The following SNRK variants were observed in gnomAD, a reference collection of about 807,000 sequenced individuals.
SNRK encodes the protein SNF related kinase, also known as SNF-related serine/threonine-protein kinase.
Under a neutral mutation model 48.2 loss-of-function variants are expected in SNRK, and 3 were observed. That is an observed-to-expected ratio of 0.06 (90% CI 0.03 to 0.16). The LOEUF (loss-of-function observed/expected upper bound fraction) is 0.16, where lower values mean the gene tolerates loss of function less well. SNRK is among the 10% of genes least tolerant of loss of function. The pLI, the probability that SNRK is intolerant of heterozygous loss-of-function variation, is 1.00. For missense variants in SNRK, 627 were observed against 976.0 expected, an observed-to-expected ratio of 0.64 and a Z score of 4.76; for synonymous variants, 376 against 366.1, an observed-to-expected ratio of 1.03 and a Z score of -0.31.
chr3:43,295,893 C>A (rs759497546), intron 1 of SNRK, among the ~76,000 whole-genome samples: 1 of 152,154 alleles, frequency 6.6e-6, no homozygotes, highest in Non-Finnish European at 1.5e-5. Flanking sequence ...CCCATGCCAC[C>A]ACGCCCAGCT....
At chr3:43,341,765 G>A (rs916147994) in intron 5 of SNRK, among the ~76,000 whole-genome samples, 3 of 152,174 alleles carry the variant, frequency 2.0e-5, no homozygotes, top group African/African-American at 4.8e-5. Context: ...GTGTGTCTTC[G>A]TGCCACACAC....
intron 3 of SNRK, among the ~76,000 whole-genome samples, chr3:43,326,353 T>G (rs1009590714): frequency 3.9e-5 from 6 of 152,026 alleles, no homozygotes; most frequent in Non-Finnish European, 1.5e-5. Context: ...AGCTGTCTTT[T>G]GAGGGGGCCC....
At chr3:43,339,427 A>G (rs2125644645) in intron 4 of SNRK, among the ~76,000 whole-genome samples, 1 of 152,302 alleles carries the variant, frequency 6.6e-6, no homozygotes, top group Middle Eastern at 3.4e-3. Context: ...TTTGTCATTC[A>G]TTTCGTAAGG....
At chr3:43,290,285 G>A (rs1225610485) in intron 1 of SNRK, among the ~76,000 whole-genome samples, 1 of 152,188 alleles carries the variant, frequency 6.6e-6, no homozygotes, top group African/African-American at 2.4e-5. Context: ...GATTTTATCA[G>A]CTTGTTATGG....
intron 4 of SNRK, among the ~76,000 whole-genome samples, chr3:43,336,593 A>G (rs1233586507): frequency 6.6e-6 from 1 of 152,048 alleles, no homozygotes; most frequent in Non-Finnish European, 1.5e-5. Flanking sequence ...CTGCCTCCCG[A>G]AGTGCTGGGA....
intron 1 of SNRK, among the ~76,000 whole-genome samples, chr3:43,297,388 G>A (rs182471446): frequency 6.6e-6 from 1 of 152,000 alleles, no homozygotes; most frequent in African/African-American, 2.4e-5. Context: ...TTGTTTTTTG[G>A]AGAGAAGTAT....
At chr3:43,306,272 A>T (rs1342739252) in intron 3 of SNRK, among the ~76,000 whole-genome samples, 1 of 151,856 alleles carries the variant, frequency 6.6e-6, no homozygotes, top group African/African-American at 2.4e-5. Context: ...AATCTACATT[A>T]GTTTATCATG....
chr3:43,333,638 T>C (rs975379385), intron 4 of SNRK, among the ~76,000 whole-genome samples: 3 of 152,102 alleles, frequency 2.0e-5, no homozygotes, highest in Non-Finnish European at 4.4e-5. Flanking sequence ...TGTCTGCATG[T>C]TGGATGTTTG....
chr3:43,290,401 A>C (rs570024260), intron 1 of SNRK, among the ~76,000 whole-genome samples: 1 of 152,310 alleles, frequency 6.6e-6, no homozygotes, highest in Admixed American at 6.5e-5. Flanking sequence ...CATGTTGTAG[A>C]TGTTCCTGTC....
chr3:43,330,864 T>C (rs1346342613), intron 3 of SNRK, among the ~76,000 whole-genome samples: 1 of 152,256 alleles, frequency 6.6e-6, no homozygotes, highest in Non-Finnish European at 1.5e-5. Flanking sequence ...AATTTCAGTC[T>C]GCTTTTTTCA....
In SNRK at chr3:43,350,864, GTATATA is replaced by G. The variant is rs57992938; in HGVS notation, c.*2314_*2319del. 6.6e-6 allele frequency: 1 copy of G among 152,092 alleles called. No individual in the cohort carries two copies. The highest frequency in any genetic ancestry group is 1.5e-5 in the Non-Finnish European group (1 of 67,902). The allele number at this position is 152,092 out of a possible 1,614,324, so 9.4% of individuals were successfully genotyped here. Reference sequence around the variant, plus strand: ...CAGTCTTGTATTTTTCTGTATGTGTGTATATATATATAATTATGTACTTCTGGCAAT... The same window carrying G: ...CAGTCTTGTATTTTTCTGTATGTGTGTATATAATTATGTACTTCTGGCAAT... On this transcript the variant is annotated 3_prime_UTR_variant, in exon 7 of 7. Transcript: ENST00000296088.
At chr3:43,343,578 A>T (rs563382501) in intron 6 of SNRK, 100 bp downstream of exon 6, 1 of 1,287,040 alleles carries the variant, frequency 7.8e-7, no homozygotes, top group East Asian at 2.5e-5. Flanking sequence ...GGGGCAAGAG[A>T]GTACAAACAG....
At position 43,299,376 on chromosome 3, in the gene SNRK, C is replaced by T. The variant is rs377610836; in HGVS notation, c.-168-378C>T. Reference sequence around the variant, plus strand: ...TATTTTTAGTAGAGACGGGGTTTCACCATATTGGTCAGGCAAGTCTTGAGC... The same window carrying T: ...TATTTTTAGTAGAGACGGGGTTTCATCATATTGGTCAGGCAAGTCTTGAGC... On this transcript the variant is annotated intron_variant, in intron 1 of 6. Transcript: ENST00000296088. 7.2e-5 allele frequency among the ~76,000 whole-genome samples: 11 copies of T among 152,102 alleles called. No homozygotes were observed. The East Asian group carries it at 1.9e-3, about 27-fold the overall frequency.
intron 3 of SNRK, among the ~76,000 whole-genome samples, chr3:43,328,480 C>CCCA (rs1575551496): frequency 6.6e-6 from 1 of 152,094 alleles, no homozygotes; most frequent in Admixed American, 6.5e-5. Context: ...AAGTGATCCT[C>CCCA]CCACCTTAGG....
intron 3 of SNRK, among the ~76,000 whole-genome samples, chr3:43,330,465 C>A (rs960445918): frequency 6.6e-6 from 1 of 152,082 alleles, no homozygotes; most frequent in African/African-American, 2.4e-5. Flanking sequence ...GGAGTTGGGA[C>A]AAGTGACCCA....
intron 3 of SNRK, among the ~76,000 whole-genome samples, chr3:43,312,746 G>A (rs1312931518): frequency 2.0e-5 from 3 of 152,068 alleles, no homozygotes; most frequent in Non-Finnish European, 2.9e-5. Context: ...AATGAATTCT[G>A]CAATATCACA....
intron 3 of SNRK, among the ~76,000 whole-genome samples, chr3:43,314,049 T>C (rs766103563): frequency 1.1e-4 from 17 of 152,186 alleles, no homozygotes; most frequent in Non-Finnish European, 1.6e-4. Context: ...CTAACAAATA[T>C]CAGTCTTACG....
Position 43,343,469 on chromosome 3 carries a change from C to T in SNRK, c.1070C>T (p.Ala357Val), listed in dbSNP as rs917563757. The T allele has an allele frequency of 6.2e-7, 1 of 1,612,414 alleles. No homozygotes were observed. Among genetic ancestry groups the T allele is most frequent in the Non-Finnish European group, 8.5e-7 (1 of 1,179,604 alleles). The part of the protein sequence containing the change: ...TRSASPSNIK[A>V]QFRQSWPTKI... ...TCTGCAAGCCCGAGCAATATCAAGGCCCAGTTTAGGTGAGAAAAAAATCTT... is the reference window on the plus strand; with the variant it reads ...TCTGCAAGCCCGAGCAATATCAAGGTCCAGTTTAGGTGAGAAAAAAATCTT... Residue 357 changes from alanine to valine, a missense_variant, in exon 6 of 7, where the codon GCC becomes GTC. By Grantham distance (64) the Ala-to-Val change is moderately conservative. Around this residue, in one of 4 missense-constraint regions of SNRK, gnomAD observed 175 missense variants for 209.7 expected, o/e 0.83. Coordinates refer to ENST00000296088, the MANE Select transcript of SNRK (RefSeq NM_017719.5).
At chr3:43,309,118 A>T (rs2090959501) in intron 3 of SNRK, among the ~76,000 whole-genome samples, 1 of 152,136 alleles carries the variant, frequency 6.6e-6, no homozygotes, top group African/African-American at 2.4e-5. Flanking sequence ...TGAATGGATG[A>T]GGAGTGGCTT....
Sources: gnomAD v4.1 joint callset for allele counts (sites outside exome capture counted in the v4.1 genomes callset) on GRCh38, gnomAD v4.1.1 for gene constraint, gnomAD v4.1.1 regional missense constraint, MANE v1.5 for transcripts, NCBI Gene and HGNC (gene_info 2026-07-23, HGNC 2026-07-21) for gene names.